The following FHIT variants were observed in gnomAD, a reference collection of about 807,000 sequenced individuals.
The protein encoded by FHIT is bis(5'-adenosyl)-triphosphatase.
In FHIT, 19 loss-of-function variants were observed where a neutral mutation model predicts 17.9. The observed-to-expected ratio is 1.06, with a 90% CI of 0.74 to 1.56. The LOEUF (loss-of-function observed/expected upper bound fraction) is 1.56, where lower values mean the gene tolerates loss of function less well. Among genes scored for constraint, FHIT ranks in the 40% most tolerant of loss-of-function variants. The pLI is 0.00. For synonymous variants in FHIT, 81 were observed against 69.7 expected, an observed-to-expected ratio of 1.16 and a Z score of -0.81; for missense variants, 248 against 189.2, an observed-to-expected ratio of 1.31 and a Z score of -1.82.
At chr3:60,960,540 TTA>T (rs1553780423) in intron 3 of FHIT, among the ~76,000 whole-genome samples, 1 of 152,216 alleles carries the variant, frequency 6.6e-6, no homozygotes, top group Non-Finnish European at 1.5e-5. Context: ...ATCATTTACA[TTA>T]GGTATATTTC....
At chr3:60,615,027 A>AC (rs782163530) in intron 4 of FHIT, among the ~76,000 whole-genome samples, 2 of 151,788 alleles carry the variant, frequency 1.3e-5, no homozygotes, top group East Asian at 3.9e-4. Flanking sequence ...ACAGGGTTTC[A>AC]CCATGTTGGC....
intron 5 of FHIT, among the ~76,000 whole-genome samples, chr3:60,504,323 ACTCGGGAGG>A (rs752765709): frequency 1.3e-5 from 2 of 152,006 alleles, no homozygotes; most frequent in East Asian, 3.9e-4. Context: ...AATCCCAGCT[ACTCGGGAGG>A]CTGAGGCAGG....
chr3:60,949,657 G>C (rs1211647956), intron 3 of FHIT, among the ~76,000 whole-genome samples: 2 of 152,318 alleles, frequency 1.3e-5, no homozygotes, highest in African/African-American at 4.8e-5. Flanking sequence ...GCATCTTGCA[G>C]ATATAATGTA....
chr3:60,774,981 G>A (rs1429265445), intron 4 of FHIT, among the ~76,000 whole-genome samples: 2 of 152,212 alleles, frequency 1.3e-5, no homozygotes, highest in Non-Finnish European at 2.9e-5. Flanking sequence ...TGAAACAGCA[G>A]ATAATGGGGA....
chr3:61,058,405 A>T (rs2034303165), intron 2 of FHIT, among the ~76,000 whole-genome samples: 1 of 152,218 alleles, frequency 6.6e-6, no homozygotes, highest in Admixed American at 6.5e-5. Flanking sequence ...AGGAGGAAAG[A>T]TATGAATAGT....
At chr3:60,982,887 T>C (rs561362003) in intron 3 of FHIT, among the ~76,000 whole-genome samples, 30 of 152,294 alleles carry the variant, frequency 2.0e-4, no homozygotes, top group African/African-American at 6.3e-4. Flanking sequence ...AGTGGATGAA[T>C]CTTACTAATC....
intron 3 of FHIT, among the ~76,000 whole-genome samples, chr3:60,868,929 G>C (rs1223337072): frequency 6.6e-6 from 1 of 152,080 alleles, no homozygotes; most frequent in Non-Finnish European, 1.5e-5. Flanking sequence ...GGAGGCTTCT[G>C]AGAAACTTAA....
intron 4 of FHIT, among the ~76,000 whole-genome samples, chr3:60,639,413 C>A (rs1180092856): frequency 6.6e-6 from 1 of 151,930 alleles, no homozygotes; most frequent in Non-Finnish European, 1.5e-5. Context: ...TGCTAAAAGA[C>A]CAAAAACGAA....
chr3:60,980,124 A>G (rs7618423), intron 3 of FHIT, among the ~76,000 whole-genome samples: 137,594 of 152,244 alleles, frequency 0.9, 62,257 homozygotes, highest in East Asian at 1. Context: ...TACTTTCCAC[A>G]TTTCTAAGAC....
At chr3:61,111,684 C>T (rs1173778439) in intron 2 of FHIT, among the ~76,000 whole-genome samples, 2 of 152,210 alleles carry the variant, frequency 1.3e-5, no homozygotes, top group African/African-American at 2.4e-5. Flanking sequence ...ATCTATTTCA[C>T]ATTTGCCCAG....
At chr3:60,377,359 A>G (rs992091944) in intron 5 of FHIT, among the ~76,000 whole-genome samples, 10 of 149,880 alleles carry the variant, frequency 6.7e-5, no homozygotes, top group African/African-American at 1.2e-4. Flanking sequence ...GGGTTTCACC[A>G]TATTGGCCAG....
intron 3 of FHIT, among the ~76,000 whole-genome samples, chr3:61,038,604 A>T (rs2107684375): frequency 6.6e-6 from 1 of 152,364 alleles, no homozygotes; most frequent in African/African-American, 2.4e-5. Context: ...GCTTGATATA[A>T]TAATGGCATT....
At chr3:60,798,937 T>C (rs1411178973) in intron 4 of FHIT, among the ~76,000 whole-genome samples, 1 of 151,770 alleles carries the variant, frequency 6.6e-6, no homozygotes, top group African/African-American at 2.4e-5. Flanking sequence ...TTTGTATTTT[T>C]AGTATAGATG....
chr3:61,227,464 T>C (rs1049339796), intron 1 of FHIT, among the ~76,000 whole-genome samples: 1 of 152,134 alleles, frequency 6.6e-6, no homozygotes, highest in Non-Finnish European at 1.5e-5. Context: ...TGGGTTATTT[T>C]TAAAAATATG....
chr3:61,139,673 A>G (rs1378282835), intron 2 of FHIT, among the ~76,000 whole-genome samples: 3 of 152,166 alleles, frequency 2.0e-5, no homozygotes, highest in African/African-American at 7.2e-5. Context: ...CATGTAATAG[A>G]CGCTTCAATA....
At chr3:60,832,689 A>AT (rs1386432101) in intron 3 of FHIT, among the ~76,000 whole-genome samples, 10 of 145,536 alleles carry the variant, frequency 6.9e-5, no homozygotes, top group African/African-American at 1.3e-4. Flanking sequence ...TCAATTCATA[A>AT]AAAAAAAAAA....
intron 5 of FHIT, among the ~76,000 whole-genome samples, chr3:60,362,951 C>T (rs760432844): frequency 1.3e-5 from 2 of 152,096 alleles, no homozygotes; most frequent in Non-Finnish European, 2.9e-5. Flanking sequence ...AAGGTATCCC[C>T]AGCCTTTTGG....
At chr3:61,240,097 G>C (rs2106915956) in intron 1 of FHIT, among the ~76,000 whole-genome samples, 1 of 152,188 alleles carries the variant, frequency 6.6e-6, no homozygotes, top group East Asian at 1.9e-4. Context: ...GCTAGAGGAA[G>C]CCTTAGTTTA....
intron 1 of FHIT, among the ~76,000 whole-genome samples, chr3:61,214,737 A>G (rs1030684425): frequency 8.5e-5 from 13 of 152,252 alleles, no homozygotes; most frequent in African/African-American, 3.1e-4. Context: ...TCCTTGATGA[A>G]CATTGATGCA....
Sources: gnomAD v4.1 joint callset for allele counts (sites outside exome capture counted in the v4.1 genomes callset) on GRCh38, gnomAD v4.1.1 for gene constraint, MANE v1.5 for transcripts, NCBI Gene and HGNC (gene_info 2026-07-23, HGNC 2026-07-21) for gene names.